The following YWHAQ variants were observed in gnomAD, a reference collection of about 807,000 sequenced individuals.
The protein encoded by YWHAQ is tyrosine 3-monooxygenase/tryptophan 5-monooxygenase activation protein theta.
YWHAQ carries 6 observed loss-of-function variants against 28.3 expected under a neutral mutation model. The ratio of observed to expected loss-of-function variants is 0.21; its 90% confidence interval spans 0.12 to 0.42. The LOEUF (loss-of-function observed/expected upper bound fraction) is 0.42, where lower values mean the gene tolerates loss of function less well. Ranked by LOEUF, YWHAQ falls within the 10% of genes least tolerant of loss-of-function variation. The pLI, the probability that YWHAQ is intolerant of heterozygous loss-of-function variation, is 1.00. For missense variants in YWHAQ, 201 were observed against 305.6 expected (o/e 0.66, Z 2.55); for synonymous variants, 143 against 119.1 (o/e 1.20, Z -1.31).
chr2:9,604,558 T>C (rs992751974), intron 2 of YWHAQ, among the ~76,000 whole-genome samples: 1 of 152,206 alleles, frequency 6.6e-6, no homozygotes, highest in Non-Finnish European at 1.5e-5. Context: ...TCCACTTTTC[T>C]ACGGATTTTT....
At chr2:9,602,476 A>T (rs1666713189) in intron 2 of YWHAQ, among the ~76,000 whole-genome samples, 1 of 152,006 alleles carries the variant, frequency 6.6e-6, no homozygotes, top group Non-Finnish European at 1.5e-5. Context: ...AACTAAGTTA[A>T]AATGAAACTA....
intron 2 of YWHAQ, among the ~76,000 whole-genome samples, chr2:9,620,041 A>G (rs1389517771): frequency 6.6e-6 from 1 of 152,234 alleles, no homozygotes; most frequent in Non-Finnish European, 1.5e-5. Flanking sequence ...GATGATCCAT[A>G]TAGCTTATGG....
chr2:9,630,456 G>T lies in YWHAQ; in HGVS notation c.-4C>A. 6.3e-7 allele frequency: 1 copy of T among 1,593,504 alleles called. No individual in the cohort carries two copies. ...GGATCAGCTCAGTCTTCTCCATGGCGGGCGCGGGGCCGGGGCCGGGGCGGA... is the reference window on the plus strand; with the variant it reads ...GGATCAGCTCAGTCTTCTCCATGGCTGGCGCGGGGCCGGGGCCGGGGCGGA... On this transcript the variant is annotated 5_prime_UTR_variant, in exon 2 of 6. Transcript: ENST00000238081. The surrounding 1 kb of genome is among the most constrained non-coding windows in gnomAD (Gnocchi z 5.6).
chr2:9,629,215 T>C (rs1165176380), intron 2 of YWHAQ, among the ~76,000 whole-genome samples: 1 of 152,160 alleles, frequency 6.6e-6, no homozygotes, highest in African/African-American at 2.4e-5. Context: ...AAAGTGACAC[T>C]TAAAAGGCAA....
chr2:9,604,981 T>C (rs1458796343), intron 2 of YWHAQ, among the ~76,000 whole-genome samples: 2 of 152,184 alleles, frequency 1.3e-5, no homozygotes, highest in South Asian at 2.1e-4. Context: ...TGGCAACATG[T>C]TGAAATGGAT....
Position 9,594,792 on chromosome 2 carries a change from G to A in YWHAQ, c.295-3277C>T, listed in dbSNP as rs185061847. 9.9e-4 allele frequency among the ~76,000 whole-genome samples: 151 copies of A among 152,308 alleles called. 1 individual carries two copies. Among genetic ancestry groups the A allele is most frequent in the African/African-American group, 3.3e-3 (138 of 41,570 alleles). ...GCAGGGGCTGAGAAAAGTCTGACTA[G>A]AACAATGGCTTAGGGTGAGGAGTAG... On this transcript the variant is annotated intron_variant, in intron 2 of 5. Transcript: ENST00000238081.
rs139812126 is a variant in YWHAQ, at chr2:9,592,295, T to C, written c.295-780A>G. On this transcript the variant is annotated intron_variant, in intron 2 of 5. Transcript: ENST00000238081. The stretch of plus-strand genomic sequence containing the variant: ...AAAAAGTTCTTGAGTATGTCTTTTG[T>C]CCCTAATTTCATACAAAGAAATTTT... 6.6e-5 allele frequency among the ~76,000 whole-genome samples: 10 copies of C among 152,284 alleles called. No homozygotes were observed. The East Asian group carries it at 1.7e-3, about 26-fold the overall frequency.
At chr2:9,593,157 A>T (rs1666491235) in intron 2 of YWHAQ, among the ~76,000 whole-genome samples, 2 of 152,164 alleles carry the variant, frequency 1.3e-5, no homozygotes, top group African/African-American at 4.8e-5. Context: ...ATTTAAAAAT[A>T]TACAATTCTA....
intron 2 of YWHAQ, among the ~76,000 whole-genome samples, chr2:9,602,862 A>AAT (rs71413909): frequency 8.7e-3 from 181 of 20,806 alleles, no homozygotes; most frequent in East Asian, 0.026. Flanking sequence ...AAAAAAAAAA[A>AAT]ATATATATAT....
chr2:9,593,917 T>TACACACAC (rs1284878103), intron 2 of YWHAQ, among the ~76,000 whole-genome samples: 2 of 104,232 alleles, frequency 1.9e-5, no homozygotes, highest in Admixed American at 8.7e-5. Flanking sequence ...TATATATATA[T>TACACACAC]ATATATACAC....
Position 9,630,510 on chromosome 2 carries a change from C to G in YWHAQ, c.-58G>C. The G allele has an allele frequency of 6.8e-7, 1 of 1,469,346 alleles. No individual in the cohort carries two copies. Among genetic ancestry groups the G allele is most frequent in the Non-Finnish European group, 9.0e-7 (1 of 1,109,572 alleles). The allele number at this position is 1,469,346 out of a possible 1,614,324, so 91.0% of individuals were successfully genotyped here. ...CGAGGAGAGCGAGGGCGAGCGCCGA[C>G]CCGCAGCGGGAGGAGCCTCGAGAGC... On this transcript the variant is annotated 5_prime_UTR_variant, in exon 2 of 6. Transcript: ENST00000238081. This position sits in a 1 kb window ranked among gnomAD's most constrained non-coding sequence, Gnocchi z 5.6.
chr2:9,629,844 G>A (rs1307010850), intron 2 of YWHAQ, among the ~76,000 whole-genome samples: 8 of 152,138 alleles, frequency 5.3e-5, no homozygotes, highest in Non-Finnish European at 1.0e-4. Flanking sequence ...CAGATCTCAG[G>A]ACGCAGTCTC....
intron 2 of YWHAQ, among the ~76,000 whole-genome samples, chr2:9,615,026 T>A (rs766489997): frequency 6.6e-6 from 1 of 152,130 alleles, no homozygotes; most frequent in Non-Finnish European, 1.5e-5. Flanking sequence ...TGAAGTAGTG[T>A]TTAACAGTAC....
At chr2:9,620,190 T>A (rs1180638950) in intron 2 of YWHAQ, among the ~76,000 whole-genome samples, 4 of 152,234 alleles carry the variant, frequency 2.6e-5, no homozygotes, top group Non-Finnish European at 5.9e-5. Context: ...ACTTGCACCA[T>A]TATTTTTCCA....
intron 2 of YWHAQ, among the ~76,000 whole-genome samples, chr2:9,625,106 C>T (rs889937056): frequency 6.6e-6 from 1 of 150,828 alleles, no homozygotes; most frequent in Non-Finnish European, 1.5e-5. Flanking sequence ...ACCAAAAATA[C>T]AAAAAATTAG....
At position 9,617,404 on chromosome 2, in the gene YWHAQ, T is replaced by C. The variant is rs983740691; in HGVS notation, c.294+12755A>G. Reference sequence around the variant, plus strand: ...GACAACTATTCTATAATTCCACTTATATGAGGTACCTAGAGTAGTCAAATT... The same window carrying C: ...GACAACTATTCTATAATTCCACTTACATGAGGTACCTAGAGTAGTCAAATT... On this transcript the variant is annotated intron_variant, in intron 2 of 5. Transcript: ENST00000238081. 3.3e-5 allele frequency among the ~76,000 whole-genome samples: 5 copies of C among 152,142 alleles called. No homozygotes were observed. In the South Asian group the frequency reaches 6.2e-4, roughly 19 times the overall value.
chr2:9,624,409 T>G (rs761360895), intron 2 of YWHAQ, among the ~76,000 whole-genome samples: 9 of 152,094 alleles, frequency 5.9e-5, no homozygotes, highest in Non-Finnish European at 1.3e-4. Flanking sequence ...AGGTAAGATA[T>G]CAACACGTTA....
intron 2 of YWHAQ, among the ~76,000 whole-genome samples, chr2:9,608,726 A>G (rs1330607510): frequency 6.6e-6 from 1 of 152,232 alleles, no homozygotes; most frequent in Admixed American, 6.5e-5. Flanking sequence ...AGGTGGGTGG[A>G]TCACTTGAGG....
chr2:9,588,362 A>C, intron 3 of YWHAQ, 34 bp from the exon 4 acceptor site: 1 of 1,599,132 alleles, frequency 6.3e-7, no homozygotes, highest in Non-Finnish European at 8.5e-7. Context: ...GTGCAATATT[A>C]AAAATAACCA....
Sources: gnomAD v4.1 joint callset for allele counts (sites outside exome capture counted in the v4.1 genomes callset) on GRCh38, gnomAD v4.1.1 for gene constraint, Gnocchi (gnomAD v3.1) non-coding constraint, MANE v1.5 for transcripts, NCBI Gene and HGNC (gene_info 2026-07-23, HGNC 2026-07-21) for gene names.